RRAGC: variants seen among roughly 807,000 people sequenced by gnomAD.
RRAGC encodes the protein Ras related GTP binding C.
In RRAGC, 8 loss-of-function variants were observed where a neutral mutation model predicts 37.1. The observed-to-expected ratio is 0.22, with a 90% CI of 0.13 to 0.39. RRAGC has a LOEUF of 0.39. Ranked by LOEUF, RRAGC falls within the 10% of genes least tolerant of loss-of-function variation. RRAGC has a pLI of 1.00. For missense variants in RRAGC, 342 were observed against 497.6 expected, an observed-to-expected ratio of 0.69 and a Z score of 2.98; for synonymous variants, 190 against 181.1, an observed-to-expected ratio of 1.05 and a Z score of -0.39.
chr1:38,855,110 A>G (rs1297134978), intron 3 of RRAGC, among the ~76,000 whole-genome samples: 1 of 152,252 alleles, frequency 6.6e-6, no homozygotes, highest in Non-Finnish European at 1.5e-5. Context: ...CCTTATGCAC[A>G]TTTATAAGAT....
At chr1:38,846,201 G>A in intron 5 of RRAGC, 114 bp from the exon 6 acceptor site, 2 of 805,744 alleles carry the variant, frequency 2.5e-6, no homozygotes, top group South Asian at 1.6e-5. Flanking sequence ...AAAGAATACT[G>A]GCTTAAACAT....
At chr1:38,853,202 A>T (rs572997747) in intron 3 of RRAGC, among the ~76,000 whole-genome samples, 42 of 152,336 alleles carry the variant, frequency 2.8e-4, no homozygotes, top group African/African-American at 1.0e-3. Flanking sequence ...ACAGGATGGG[A>T]GTCGGGACTC....
chr1:38,855,314 T>C (rs1642155491), intron 3 of RRAGC, among the ~76,000 whole-genome samples: 1 of 152,110 alleles, frequency 6.6e-6, no homozygotes, highest in African/African-American at 2.4e-5. Flanking sequence ...AGAAAGATAC[T>C]GTCTAAGACT....
chr1:38,853,479 C>T (rs113122604), intron 3 of RRAGC, among the ~76,000 whole-genome samples: 5 of 152,338 alleles, frequency 3.3e-5, no homozygotes, highest in African/African-American at 9.6e-5. Flanking sequence ...GGCGCGATGG[C>T]TCACGCCTGT....
intron 5 of RRAGC, among the ~76,000 whole-genome samples, chr1:38,850,341 C>G (rs902858979): frequency 6.6e-6 from 1 of 151,524 alleles, no homozygotes; most frequent in Non-Finnish European, 1.5e-5. Context: ...GGTGGAATCC[C>G]GTCTCTACTA....
chr1:38,858,962 T>C (rs1182080864), intron 1 of RRAGC, among the ~76,000 whole-genome samples: 1 of 152,214 alleles, frequency 6.6e-6, no homozygotes. Flanking sequence ...CCCAGTGTCT[T>C]AGTCACAACT....
chr1:38,859,310 G>A, intron 1 of RRAGC, 100 bp downstream of exon 1: 1 of 1,100,736 alleles, frequency 9.1e-7, no homozygotes, highest in South Asian at 1.5e-5. Context: ...CGGAGGGACG[G>A]AGCGCAGGCG....
At chr1:38,857,578 A>C (rs992579178) in intron 1 of RRAGC, among the ~76,000 whole-genome samples, 2 of 151,228 alleles carry the variant, frequency 1.3e-5, no homozygotes, top group Admixed American at 1.3e-4. Context: ...CCAAGTAGAA[A>C]GTGAAAACGT....
At chr1:38,858,937 G>T (rs1276736729) in intron 1 of RRAGC, among the ~76,000 whole-genome samples, 1 of 152,226 alleles carries the variant, frequency 6.6e-6, no homozygotes, top group Non-Finnish European at 1.5e-5. Context: ...CACATCAGTA[G>T]CGAGAATTAC....
At chr1:38,843,736 C>T (rs1192579392) in intron 6 of RRAGC, among the ~76,000 whole-genome samples, 3 of 150,900 alleles carry the variant, frequency 2.0e-5, no homozygotes, top group African/African-American at 7.3e-5. Flanking sequence ...AAAAAAAACT[C>T]AGGTAGAAGA....
In RRAGC at chr1:38,859,487, G is replaced by T. The variant is rs773680771; in HGVS notation, c.160C>A (p.Pro54Thr). The T allele has an allele frequency of 3.9e-6, 6 of 1,547,902 alleles. No individual in the cohort carries two copies. Among genetic ancestry groups the T allele is most frequent in the South Asian group, 1.2e-5 (1 of 83,976 alleles). ...GGCTTGGAGCTGTCAGCGCCCCCCGGACCACAGCCACCGCCTGCCCCTGCC... is the reference window on the plus strand; with the variant it reads ...GGCTTGGAGCTGTCAGCGCCCCCCGTACCACAGCCACCGCCTGCCCCTGCC... Reference protein sequence around the residue: ...VGAGAGGGCGPGGADSSKPRI... With the variant: ...VGAGAGGGCGTGGADSSKPRI... The change falls in exon 1 of 7, where the codon CCG (proline) becomes ACG (threonine). Residue 54 changes from proline to threonine, a missense_variant. Around this residue, in one of 3 missense-constraint regions of RRAGC, gnomAD observed 104 missense variants for 93.4 expected, o/e 1.11. Coordinates refer to ENST00000373001, the MANE Select transcript of RRAGC (RefSeq NM_022157.4).
intron 5 of RRAGC, 78 bp downstream of exon 5, chr1:38,851,537 G>A: frequency 7.5e-7 from 1 of 1,338,290 alleles, no homozygotes; most frequent in Non-Finnish European, 9.9e-7. Context: ...AGGGGCCTCA[G>A]AAATTAGTCT....
chr1:38,856,247 T>C (rs1642166185), intron 2 of RRAGC, among the ~76,000 whole-genome samples: 1 of 152,188 alleles, frequency 6.6e-6, no homozygotes, highest in Non-Finnish European at 1.5e-5. Context: ...CTGATCTCAG[T>C]TTTCTCATCT....
At chr1:38,855,212 G>A (rs1350860757) in intron 3 of RRAGC, among the ~76,000 whole-genome samples, 1 of 152,098 alleles carries the variant, frequency 6.6e-6, no homozygotes, top group Non-Finnish European at 1.5e-5. Flanking sequence ...GGGGGGAGGT[G>A]GAAGGGAGCC....
chr1:38,839,432 T>C lies in RRAGC; in HGVS notation c.*121A>G. The C allele has an allele frequency of 9.8e-7, 1 of 1,018,962 alleles. No individual in the cohort carries two copies. Among genetic ancestry groups the C allele is most frequent in the Non-Finnish European group, 1.4e-6 (1 of 702,234 alleles). The allele number at this position is 1,018,962 out of a possible 1,614,324, so 63.1% of individuals were successfully genotyped here. On this transcript the variant is annotated 3_prime_UTR_variant, in exon 7 of 7. Transcript: ENST00000373001. ...CATCCAAATGAGAAACTCTACCCCT[T>C]GTCTCTAGTGGAACAGGCACCAGAT...
intron 1 of RRAGC, among the ~76,000 whole-genome samples, chr1:38,857,811 T>A (rs1570872386): frequency 6.6e-6 from 1 of 151,936 alleles, no homozygotes; most frequent in African/African-American, 2.4e-5. Context: ...AATACCAAAA[T>A]TAGTCGGGCG....
rs1642100356 is a variant in RRAGC at position 38,851,470 on chromosome 1, G to C, written c.899+145C>G. The C allele has an allele frequency of 4.8e-6, 3 of 618,980 alleles. No individual in the cohort carries two copies. In the Admixed American group the frequency reaches 1.1e-4, roughly 23 times the overall value. 38.3% of individuals were successfully genotyped at this position (618,980 alleles called of 1,614,324 possible). ...AGCAGCCAACTTCCAGAGAAATCATGCTCCAAGTTAAAGCACTATGGTCAG... is the reference window on the plus strand; with the variant it reads ...AGCAGCCAACTTCCAGAGAAATCATCCTCCAAGTTAAAGCACTATGGTCAG... On this transcript the variant is annotated intron_variant, in intron 5 of 6. Coordinates refer to ENST00000373001, the MANE Select transcript of RRAGC (RefSeq NM_022157.4).
At position 38,859,747 on chromosome 1, in the gene RRAGC, A is replaced by G. The variant is rs1432706602; in HGVS notation, c.-101T>C. 5.7e-6 allele frequency: 6 copies of G among 1,044,844 alleles called. No homozygotes were observed. The highest frequency in any genetic ancestry group is 4.5e-5 in the South Asian group (1 of 22,358). The allele number at this position is 1,044,844 out of a possible 1,614,324, so 64.7% of individuals were successfully genotyped here. ...CTCCGCCGCCGCCGCCACCACCGCC[A>G]CCGCCCCCGGCAGCCGCCACAGTCC... On this transcript the variant is annotated 5_prime_UTR_variant, in exon 1 of 7. Transcript: ENST00000373001.
intron 5 of RRAGC, chr1:38,846,714 G>A (rs1296991003): frequency 6.6e-6 from 1 of 152,098 alleles, no homozygotes; most frequent in Non-Finnish European, 1.5e-5. Flanking sequence ...AAATCTAAAG[G>A]TTATCTAGCT....
Sources: gnomAD v4.1 joint callset for allele counts (sites outside exome capture counted in the v4.1 genomes callset) on GRCh38, gnomAD v4.1.1 for gene constraint, gnomAD v4.1.1 regional missense constraint, MANE v1.5 for transcripts, NCBI Gene and HGNC (gene_info 2026-07-23, HGNC 2026-07-21) for gene names.